The following CEP83 variants were observed in gnomAD, a reference collection of about 807,000 sequenced individuals.
CEP83 encodes the protein centrosomal protein of 83 kDa.
CEP83 carries 70 observed loss-of-function variants against 101.9 expected under a neutral mutation model. That is an observed-to-expected ratio of 0.69 (90% CI 0.57 to 0.84). CEP83 has a LOEUF of 0.84. Ranked by LOEUF, CEP83 falls within the 40% of genes least tolerant of loss-of-function variation. CEP83 has a pLI of 0.00. For missense variants in CEP83, 715 were observed against 787.2 expected, an observed-to-expected ratio of 0.91 and a Z score of 1.10; for synonymous variants, 264 against 267.9, an observed-to-expected ratio of 0.99 and a Z score of 0.14.
intron 2 of CEP83, among the ~76,000 whole-genome samples, chr12:94,414,856 A>G (rs1208112433): frequency 6.6e-6 from 1 of 152,160 alleles, no homozygotes; most frequent in Non-Finnish European, 1.5e-5. Flanking sequence ...TAAAATGTTG[A>G]TATGTGACAG....
chr12:94,456,538 C>CGTCAGAAAACTTACAATCA (rs1398494750), intron 1 of CEP83, among the ~76,000 whole-genome samples: 1 of 152,118 alleles, frequency 6.6e-6, no homozygotes, highest in Non-Finnish European at 1.5e-5. Flanking sequence ...GCTGGAGAGG[C>CGTCAGAAAACTTACAATCA]GTCAGAAAAC....
intron 2 of CEP83, among the ~76,000 whole-genome samples, chr12:94,414,641 TTG>T (rs2064138906): frequency 6.6e-6 from 1 of 152,220 alleles, no homozygotes; most frequent in African/African-American, 2.4e-5. Flanking sequence ...CAGAAAATTC[TTG>T]TGACTTGTTT....
intron 11 of CEP83, among the ~76,000 whole-genome samples, chr12:94,348,918 T>C (rs1291564361): frequency 3.3e-5 from 5 of 152,174 alleles, no homozygotes; most frequent in African/African-American, 7.2e-5. Flanking sequence ...TGACTATGAC[T>C]TCTTTAAGCA....
intron 11 of CEP83, among the ~76,000 whole-genome samples, chr12:94,338,986 T>G (rs1249191047): frequency 6.6e-6 from 1 of 151,580 alleles, no homozygotes; most frequent in African/African-American, 2.4e-5. Flanking sequence ...TTTTTAGAGA[T>G]GGAGTTTCAC....
intron 11 of CEP83, among the ~76,000 whole-genome samples, chr12:94,346,669 C>A (rs1240158539): frequency 1.3e-5 from 2 of 152,190 alleles, no homozygotes; most frequent in African/African-American, 4.8e-5. Flanking sequence ...CTGATGCTAT[C>A]TCCATATAGA....
At chr12:94,333,220 A>G (rs1019283633) in intron 13 of CEP83, among the ~76,000 whole-genome samples, 11 of 152,234 alleles carry the variant, frequency 7.2e-5, no homozygotes, top group African/African-American at 2.6e-4. Flanking sequence ...AATGAATAAA[A>G]AAAGTTTTCT....
chr12:94,295,653 G>A, the CEP83 span, among the ~76,000 whole-genome samples: 2 of 152,048 alleles, frequency 1.3e-5, no homozygotes, highest in East Asian at 1.9e-4. Flanking sequence ...AAATCCCAAC[G>A]CTGGATGAAC....
At chr12:94,437,070 C>T (rs1004842335) in intron 1 of CEP83, among the ~76,000 whole-genome samples, 1 of 151,618 alleles carries the variant, frequency 6.6e-6, no homozygotes, top group East Asian at 1.9e-4. Flanking sequence ...CTTGGCCAGG[C>T]GTGGTGGCTC....
intron 1 of CEP83, among the ~76,000 whole-genome samples, chr12:94,449,358 G>A (rs374069428): frequency 2.6e-5 from 4 of 152,264 alleles, no homozygotes; most frequent in African/African-American, 7.2e-5. Context: ...AAAGCAGTAA[G>A]AGCAAGATCA....
chr12:94,416,980 C>A (rs998041367), intron 2 of CEP83, among the ~76,000 whole-genome samples: 1 of 151,942 alleles, frequency 6.6e-6, no homozygotes, highest in Admixed American at 6.6e-5. Flanking sequence ...CCGCAACCCC[C>A]CTCCCAAAAA....
At chr12:94,452,914 C>T (rs930186704) in intron 1 of CEP83, among the ~76,000 whole-genome samples, 3 of 152,164 alleles carry the variant, frequency 2.0e-5, no homozygotes, top group Admixed American at 6.5e-5. Context: ...CTAACCTTCA[C>T]TCTCAGGATC....
chr12:94,428,089 G>A (rs555861359), intron 2 of CEP83, among the ~76,000 whole-genome samples: 3 of 152,326 alleles, frequency 2.0e-5, no homozygotes, highest in South Asian at 2.1e-4. Flanking sequence ...AAATTAAAAT[G>A]TTATTCTATT....
intron 6 of CEP83, among the ~76,000 whole-genome samples, chr12:94,397,826 T>C (rs1239699826): frequency 1.3e-5 from 2 of 152,246 alleles, no homozygotes; most frequent in African/African-American, 4.8e-5. Flanking sequence ...TTACATGCAA[T>C]TCCTTTAAGT....
rs1969337244 is a variant in CEP83, at chr12:94,308,609, G to C, written c.*204C>G. 2.8e-6 allele frequency: 1 copy of C among 357,512 alleles called. No individual in the cohort carries two copies. The highest frequency in any genetic ancestry group is 5.1e-6 in the Non-Finnish European group (1 of 197,590). The allele number at this position is 357,512 out of a possible 1,614,324, so 22.1% of individuals were successfully genotyped here. Reference sequence around the variant, plus strand: ...ATTGTCAAATATTCTAAATATCTCTGAGAATTTCTCTTTTAATGCTTCACT... The same window carrying C: ...ATTGTCAAATATTCTAAATATCTCTCAGAATTTCTCTTTTAATGCTTCACT... On this transcript the variant is annotated 3_prime_UTR_variant, in exon 17 of 17. Transcript: ENST00000397809.
chr12:94,402,189 T>TGA (rs1326466878), intron 5 of CEP83: 1 of 152,234 alleles, frequency 6.6e-6, no homozygotes, highest in Non-Finnish European at 1.5e-5. Context: ...AACAGATTTT[T>TGA]ACTTTTATGA....
chr12:94,428,803 A>C (rs183482159), intron 2 of CEP83, among the ~76,000 whole-genome samples: 1 of 152,220 alleles, frequency 6.6e-6, no homozygotes, highest in African/African-American at 2.4e-5. Context: ...AGAGATATAA[A>C]AAATATACAG....
chr12:94,368,525 C>A lies in CEP83; in HGVS notation c.1049-324G>T, dbSNP rs113681082. The A allele has an allele frequency of 3.1e-3, 601 of 194,416 alleles. 3 individuals are homozygous for A. Among genetic ancestry groups the A allele is most frequent in the African/African-American group, 0.013 (575 of 42,804 alleles). 12.0% of individuals were successfully genotyped at this position (194,416 alleles called of 1,614,324 possible). Reference sequence around the variant, plus strand: ...GATAACCAGAGGTTTACTTACTTCACCTCTAAAGAGGTTCTGTGACCTAAG... The same window carrying A: ...GATAACCAGAGGTTTACTTACTTCAACTCTAAAGAGGTTCTGTGACCTAAG... On this transcript the variant is annotated intron_variant, in intron 9 of 16. Coordinates refer to ENST00000397809, the MANE Select transcript of CEP83 (RefSeq NM_016122.3).
chr12:94,433,975 A>G (rs865915929), intron 2 of CEP83: 1 of 152,248 alleles, frequency 6.6e-6, no homozygotes, highest in Non-Finnish European at 1.5e-5. Context: ...TGCAAATACC[A>G]TCACTGTAAA....
At chr12:94,292,007 T>G in the CEP83 span, among the ~76,000 whole-genome samples, 1 of 152,242 alleles carries the variant, frequency 6.6e-6, no homozygotes, top group Non-Finnish European at 1.5e-5. Flanking sequence ...GTGACTGGCT[T>G]CTTCGCGTGT....
Sources: gnomAD v4.1 joint callset for allele counts (sites outside exome capture counted in the v4.1 genomes callset) on GRCh38, gnomAD v4.1.1 for gene constraint, MANE v1.5 for transcripts, NCBI Gene and HGNC (gene_info 2026-07-23, HGNC 2026-07-21) for gene names.